SLC14A2: variants seen among roughly 807,000 people sequenced by gnomAD.
The protein encoded by SLC14A2 is solute carrier family 14 member 2.
Under a neutral mutation model 104.6 loss-of-function variants are expected in SLC14A2, and 91 were observed. The observed-to-expected ratio is 0.87, with a 90% CI of 0.73 to 1.04. The LOEUF (loss-of-function observed/expected upper bound fraction) is 1.04, where lower values mean the gene tolerates loss of function less well. SLC14A2 is among the 50% of genes least tolerant of loss of function. The pLI, the probability that SLC14A2 is intolerant of heterozygous loss-of-function variation, is 0.00. For synonymous variants in SLC14A2, 476 were observed against 466.4 expected, an observed-to-expected ratio of 1.02 and a Z score of -0.27; for missense variants, 1,189 against 1,156.0, an observed-to-expected ratio of 1.03 and a Z score of -0.41.
At chr18:45,253,593 TC>T (rs2084445657) in intron 1 of SLC14A2, among the ~76,000 whole-genome samples, 1 of 152,136 alleles carries the variant, frequency 6.6e-6, no homozygotes. Context: ...TGCATGATTT[TC>T]CATCAGCAGC....
chr18:45,543,706 A>T (rs941389390), intron 2 of SLC14A2, among the ~76,000 whole-genome samples: 6 of 152,226 alleles, frequency 3.9e-5, no homozygotes, highest in African/African-American at 1.4e-4. Context: ...AGGCATTGGT[A>T]CAGAAAAAAA....
At chr18:45,438,272 G>A (rs1251333446) in intron 1 of SLC14A2, 1 of 152,166 alleles carries the variant, frequency 6.6e-6, no homozygotes, top group Non-Finnish European at 1.5e-5. Context: ...ATGACTGGTT[G>A]AGGCAGGATG....
At chr18:45,360,295 T>C (rs575692520) in intron 1 of SLC14A2, among the ~76,000 whole-genome samples, 5 of 152,362 alleles carry the variant, frequency 3.3e-5, no homozygotes, top group Non-Finnish European at 5.9e-5. Flanking sequence ...GATGATTTTC[T>C]GGGCCTACGA....
rs187263827 is a variant in SLC14A2 at position 45,540,617 on chromosome 18, C to T, written c.-35+57295C>T. On this transcript the variant is annotated intron_variant, in intron 2 of 20. Coordinates refer to the SLC14A2 transcript ENST00000586448. ...AAAATTAGCCAGGTGTGGTGGAGGGCGCCTATAATCCCAGCTACTCAGGAG... is the reference window on the plus strand; with the variant it reads ...AAAATTAGCCAGGTGTGGTGGAGGGTGCCTATAATCCCAGCTACTCAGGAG... Among the ~76,000 whole-genome samples, 11 of 152,150 alleles carry T rather than the reference C, an allele frequency of 7.2e-5. No homozygotes were observed. The South Asian group carries it at 8.3e-4, about 11-fold the overall frequency.
At chr18:45,682,289 C>T (rs1377624492) in intron 19 of SLC14A2, 30 bp from the exon 20 acceptor site, 1 of 1,607,730 alleles carries the variant, frequency 6.2e-7, no homozygotes. Context: ...CCTGATGTGA[C>T]CAAGGCTTAT....
At chr18:45,400,903 C>A (rs187498355) in intron 1 of SLC14A2, among the ~76,000 whole-genome samples, 1 of 152,226 alleles carries the variant, frequency 6.6e-6, no homozygotes, top group African/African-American at 2.4e-5. Context: ...GGAGCCCCTT[C>A]GAACTTCCTC....
intron 10 of SLC14A2, among the ~76,000 whole-genome samples, chr18:45,655,558 A>G (rs906216176): frequency 3.3e-5 from 5 of 152,208 alleles, no homozygotes; most frequent in African/African-American, 1.2e-4. Context: ...CTGAGGCTGT[A>G]TCTAGACTTA....
chr18:45,234,657 G>A (rs2084207516), intron 1 of SLC14A2, among the ~76,000 whole-genome samples: 1 of 152,104 alleles, frequency 6.6e-6, no homozygotes, highest in Admixed American at 6.6e-5. Flanking sequence ...TCCCTTCTGT[G>A]TTCACACCAC....
At chr18:45,225,562 A>T (rs2084106891) in intron 1 of SLC14A2, among the ~76,000 whole-genome samples, 1 of 152,164 alleles carries the variant, frequency 6.6e-6, no homozygotes, top group Non-Finnish European at 1.5e-5. Context: ...GATGGCATTG[A>T]ATCTATAAAT....
chr18:45,286,896 A>T (rs2084820450), intron 1 of SLC14A2, among the ~76,000 whole-genome samples: 1 of 152,200 alleles, frequency 6.6e-6, no homozygotes, highest in African/African-American at 2.4e-5. Flanking sequence ...CAGGTGATAG[A>T]TTTATGTTCA....
chr18:45,524,501 G>GTCC (rs1430654614), intron 2 of SLC14A2, among the ~76,000 whole-genome samples: 14 of 152,122 alleles, frequency 9.2e-5, no homozygotes, highest in African/African-American at 3.4e-4. Context: ...AGGAAGGGTT[G>GTCC]GACACTGGCC....
At chr18:45,338,207 T>C (rs1417019941) in intron 1 of SLC14A2, among the ~76,000 whole-genome samples, 1 of 152,174 alleles carries the variant, frequency 6.6e-6, no homozygotes, top group Admixed American at 6.5e-5. Flanking sequence ...TGTTTGTTTT[T>C]TGATTTTTTT....
intron 1 of SLC14A2, among the ~76,000 whole-genome samples, chr18:45,348,691 G>C (rs2085473256): frequency 6.6e-6 from 1 of 152,172 alleles, no homozygotes; most frequent in South Asian, 2.1e-4. Flanking sequence ...ATCCAATCTT[G>C]GATGGGTAGA....
At position 45,331,430 on chromosome 18, in the gene SLC14A2, G is replaced by A. The variant is rs569719262; in HGVS notation, c.-125+118239G>A. On this transcript the variant is annotated intron_variant, in intron 1 of 20. Transcript: ENST00000586448. ...ATCCTGGCCGGGTGTGGTGGCTCAC[G>A]CCTGTAATCCCAGCACTTTGGGAGG... Among the ~76,000 whole-genome samples the A allele has an allele frequency of 1.4e-4, 22 of 151,990 alleles. 1 individual carries two copies. The highest frequency in any genetic ancestry group is 1.2e-3 in the East Asian group (6 of 5,178).
chr18:45,247,923 T>C (rs2084383154), intron 1 of SLC14A2, among the ~76,000 whole-genome samples: 1 of 152,106 alleles, frequency 6.6e-6, no homozygotes. Flanking sequence ...AATTCCTGAT[T>C]CCTGGTGTCC....
chr18:45,564,472 G>A (rs897071628), intron 2 of SLC14A2, among the ~76,000 whole-genome samples: 1 of 152,174 alleles, frequency 6.6e-6, no homozygotes, highest in Non-Finnish European at 1.5e-5. Context: ...TTTTCCACAT[G>A]GTGACAGCTA....
intron 2 of SLC14A2, among the ~76,000 whole-genome samples, chr18:45,542,043 T>G (rs1004390463): frequency 7.0e-5 from 8 of 114,350 alleles, no homozygotes; most frequent in East Asian, 5.5e-4. Flanking sequence ...GGGTTTTTTT[T>G]TTTTTTTTTT....
intron 1 of SLC14A2, among the ~76,000 whole-genome samples, chr18:45,232,780 G>C (rs1209921069): frequency 6.6e-6 from 1 of 152,182 alleles, no homozygotes; most frequent in Non-Finnish European, 1.5e-5. Context: ...GCTCAAGGCT[G>C]GATGTCATGG....
chr18:45,439,337 A>G (rs1373821484), intron 1 of SLC14A2, among the ~76,000 whole-genome samples: 1 of 152,178 alleles, frequency 6.6e-6, no homozygotes, highest in Non-Finnish European at 1.5e-5. Flanking sequence ...CCATGTTGTT[A>G]ACTTAGATAC....
Sources: allele counts gnomAD v4.1 joint callset (sites outside exome capture counted in the v4.1 genomes callset), GRCh38; gene constraint gnomAD v4.1.1; transcripts MANE v1.5; gene names NCBI Gene and HGNC (gene_info 2026-07-23, HGNC 2026-07-21).